TSHZ2: variants seen among roughly 807,000 people sequenced by gnomAD.
The protein encoded by TSHZ2 is teashirt homolog 2.
A neutral mutation model predicts 74.4 loss-of-function variants in TSHZ2; 21 were observed. That is an observed-to-expected ratio of 0.28 (90% CI 0.20 to 0.41). The LOEUF (loss-of-function observed/expected upper bound fraction) is 0.41, where lower values mean the gene tolerates loss of function less well. Ranked by LOEUF, TSHZ2 falls within the 10% of genes least tolerant of loss-of-function variation. The pLI is 1.00. For missense variants in TSHZ2, 1,244 were observed against 1,293.5 expected (o/e 0.96, Z 0.59); for synonymous variants, 540 against 515.3 (o/e 1.05, Z -0.65).
intron 2 of TSHZ2, among the ~76,000 whole-genome samples, chr20:53,301,844 A>T (rs1978331541): frequency 6.6e-6 from 1 of 152,160 alleles, no homozygotes; most frequent in African/African-American, 2.4e-5. Flanking sequence ...TTGACGGGAG[A>T]AAAGTATATG....
chr20:53,048,598 G>A (rs1169028328), intron 1 of TSHZ2, among the ~76,000 whole-genome samples: 2 of 152,176 alleles, frequency 1.3e-5, no homozygotes, highest in African/African-American at 4.8e-5. Context: ...CCGGGCGTGG[G>A]CAGCAGGAAA....
intron 1 of TSHZ2, among the ~76,000 whole-genome samples, chr20:53,155,964 A>C (rs1319699143): frequency 6.6e-6 from 1 of 152,174 alleles, no homozygotes; most frequent in Non-Finnish European, 1.5e-5. Context: ...AATTAAATAT[A>C]AGGAGGTTTT....
chr20:53,059,119 G>A (rs751840094), intron 1 of TSHZ2, among the ~76,000 whole-genome samples: 6 of 148,162 alleles, frequency 4.0e-5, no homozygotes, highest in East Asian at 2.0e-4. Flanking sequence ...CAGGTAAAAT[G>A]AGTCCATGGA....
chr20:52,987,069 G>T (rs1253304961), intron 1 of TSHZ2, among the ~76,000 whole-genome samples: 2 of 152,108 alleles, frequency 1.3e-5, no homozygotes, highest in Non-Finnish European at 2.9e-5. Context: ...GAAGATAGAG[G>T]CTTTCATTAA....
intron 1 of TSHZ2, among the ~76,000 whole-genome samples, chr20:53,188,531 G>A (rs1169078559): frequency 2.6e-5 from 4 of 152,152 alleles, no homozygotes; most frequent in African/African-American, 9.7e-5. Flanking sequence ...CTAAATTAAT[G>A]AAATGCACTT....
At chr20:53,037,702 C>T (rs1337653442) in intron 1 of TSHZ2, among the ~76,000 whole-genome samples, 3 of 152,152 alleles carry the variant, frequency 2.0e-5, no homozygotes, top group Admixed American at 6.5e-5. Flanking sequence ...ATGAATGAAG[C>T]TTTTTGCTTA....
chr20:53,364,376 T>C (rs976599286), intron 2 of TSHZ2, among the ~76,000 whole-genome samples: 5 of 152,194 alleles, frequency 3.3e-5, no homozygotes, highest in Non-Finnish European at 7.3e-5. Flanking sequence ...CCGCTCAGCA[T>C]GTTCAAACAA....
At chr20:53,135,488 A>T (rs1053375339) in intron 1 of TSHZ2, among the ~76,000 whole-genome samples, 4 of 152,174 alleles carry the variant, frequency 2.6e-5, no homozygotes, top group African/African-American at 7.2e-5. Context: ...ACTCCTTTGC[A>T]TTGCAGAGGA....
intron 2 of TSHZ2, among the ~76,000 whole-genome samples, chr20:53,332,396 A>G (rs1469632535): frequency 6.6e-6 from 1 of 152,180 alleles, no homozygotes; most frequent in African/African-American, 2.4e-5. Context: ...AGCATGTTTC[A>G]AGTCAGAGGG....
At chr20:53,414,267 T>C (rs574597405) in intron 2 of TSHZ2, among the ~76,000 whole-genome samples, 2 of 152,348 alleles carry the variant, frequency 1.3e-5, no homozygotes, top group African/African-American at 4.8e-5. Flanking sequence ...TTTGTAGTGT[T>C]TGACTTTTTA....
At chr20:53,390,444 A>G (rs1982208075) in intron 2 of TSHZ2, among the ~76,000 whole-genome samples, 1 of 152,246 alleles carries the variant, frequency 6.6e-6, no homozygotes, top group African/African-American at 2.4e-5. Context: ...AGAAGAGAGG[A>G]TAAGAATGTC....
intron 1 of TSHZ2, among the ~76,000 whole-genome samples, chr20:53,077,081 C>T (rs1311291630): frequency 6.6e-6 from 1 of 152,062 alleles, no homozygotes; most frequent in Non-Finnish European, 1.5e-5. Flanking sequence ...GTGCTGAAGA[C>T]ACAAGTCTAT....
chr20:53,132,067 G>T (rs941172853), intron 1 of TSHZ2, among the ~76,000 whole-genome samples: 2 of 152,012 alleles, frequency 1.3e-5, no homozygotes, highest in Non-Finnish European at 2.9e-5. Context: ...CCTCACATGC[G>T]CCTCACCCTC....
chr20:53,287,347 G>A (rs550815349), intron 2 of TSHZ2, among the ~76,000 whole-genome samples: 21 of 152,306 alleles, frequency 1.4e-4, no homozygotes, highest in Admixed American at 2.6e-4. Context: ...CAGACACTGT[G>A]TTTATCAGAA....
chr20:53,039,785 C>CAT (rs1169070148), intron 1 of TSHZ2, among the ~76,000 whole-genome samples: 1 of 10,022 alleles, frequency 1.0e-4, no homozygotes, highest in East Asian at 0.05. Context: ...ATCTCAAACA[C>CAT]ACACACACAC....
intron 1 of TSHZ2, among the ~76,000 whole-genome samples, chr20:53,035,155 A>G (rs1983774275): frequency 6.6e-6 from 1 of 152,178 alleles, no homozygotes; most frequent in South Asian, 2.1e-4. Flanking sequence ...CCACACGACT[A>G]CAAGCCTGGA....
chr20:53,089,413 T>C (rs549971118), intron 1 of TSHZ2, among the ~76,000 whole-genome samples: 23 of 148,076 alleles, frequency 1.6e-4, no homozygotes, highest in African/African-American at 5.7e-4. Flanking sequence ...TGCACCGTAA[T>C]AGAAAGAGAT....
intron 2 of TSHZ2, among the ~76,000 whole-genome samples, chr20:53,299,483 A>C (rs1311320715): frequency 6.6e-6 from 1 of 152,200 alleles, no homozygotes; most frequent in Admixed American, 6.5e-5. Flanking sequence ...TTCTGTCCCA[A>C]GTATAACTGC....
At chr20:53,043,768 C>A (rs188692909) in intron 1 of TSHZ2, among the ~76,000 whole-genome samples, 11 of 152,032 alleles carry the variant, frequency 7.2e-5, no homozygotes, top group Admixed American at 5.2e-4. Flanking sequence ...TAATATAGGT[C>A]CCATCTCACA....
Sources: allele counts gnomAD v4.1 joint callset (sites outside exome capture counted in the v4.1 genomes callset), GRCh38; gene constraint gnomAD v4.1.1; transcripts MANE v1.5; gene names NCBI Gene and HGNC (gene_info 2026-07-23, HGNC 2026-07-21).